The following ZNF516 variants were observed in gnomAD, a reference collection of about 807,000 sequenced individuals.
The protein encoded by ZNF516 is zinc finger protein 516.
In ZNF516, 19 loss-of-function variants were observed where a neutral mutation model predicts 79.7. The ratio of observed to expected loss-of-function variants is 0.24; its 90% confidence interval spans 0.17 to 0.35. ZNF516 has a LOEUF of 0.35. Among genes scored for constraint, ZNF516 ranks in the 10% least tolerant of loss-of-function variants. The pLI is 1.00. For synonymous variants in ZNF516, 877 were observed against 739.5 expected, an observed-to-expected ratio of 1.19 and a Z score of -3.02; for missense variants, 1,678 against 1,679.5, an observed-to-expected ratio of 1.00 and a Z score of 0.02.
At position 76,379,329 on chromosome 18, in the gene ZNF516, C is replaced by A. The variant is rs374017811; in HGVS notation, c.2785G>T (p.Ala929Ser). The A allele has an allele frequency of 6.3e-7, 1 of 1,596,524 alleles. No homozygotes were observed. Among genetic ancestry groups the A allele is most frequent in the Non-Finnish European group, 8.5e-7 (1 of 1,170,944 alleles). Residue 929 changes from alanine to serine, a missense_variant, in exon 4 of 7, where the codon GCC becomes TCC. Ala to Ser is a moderately conservative substitution (Grantham distance 99, BLOSUM62 1). Around this residue, in one of 5 missense-constraint regions of ZNF516, gnomAD observed 1,294 missense variants for 1,248.3 expected, o/e 1.04. Transcript: ENST00000443185. ...GCGATGACGGTGGGCGTAGGGGTGG[C>A]GCTCCTGCTGAAGCCCCCGCCACCC... Reference protein sequence around the residue: ...APGGGGFSRSATPTPTVIARA... With the variant: ...APGGGGFSRSSTPTPTVIARA...
At position 76,465,657 on chromosome 18, in the gene ZNF516, C is replaced by A. The variant is rs770912169; in HGVS notation, c.-271-2516G>T. Among the ~76,000 whole-genome samples the A allele has an allele frequency of 9.6e-4, 146 of 152,194 alleles. 3 individuals are homozygous for A. The highest frequency in any genetic ancestry group is 3.1e-4 in the Non-Finnish European group (21 of 68,036). On this transcript the variant is annotated intron_variant, in intron 1 of 6. Coordinates refer to ENST00000443185, the MANE Select transcript of ZNF516 (RefSeq NM_014643.4). Reference sequence around the variant, plus strand: ...CTGCGATGAGAAGGGCCTCTCCCTGCGGGAGAAGGTTATCTTCCTCCCGGG... The same window carrying A: ...CTGCGATGAGAAGGGCCTCTCCCTGAGGGAGAAGGTTATCTTCCTCCCGGG...
chr18:76,483,817 G>A (rs907765402), intron 1 of ZNF516, among the ~76,000 whole-genome samples: 1 of 152,198 alleles, frequency 6.6e-6, no homozygotes, highest in African/African-American at 2.4e-5. Flanking sequence ...CTGCGGGGCT[G>A]GGAATCTGCG....
intron 6 of ZNF516, among the ~76,000 whole-genome samples, chr18:76,363,658 C>T (rs1255387020): frequency 6.6e-6 from 1 of 152,174 alleles, no homozygotes; most frequent in Non-Finnish European, 1.5e-5. Context: ...GAATTTCCTG[C>T]AGTAAACGGA....
chr18:76,443,106 C>A lies in ZNF516; in HGVS notation c.-52G>T. The stretch of plus-strand genomic sequence containing the variant: ...GCGGCACAGCTTTCTGTCGCGCGGG[C>A]TGCAGGGACCGTCCTATCTCTCCAT... On this transcript the variant is annotated 5_prime_UTR_variant, in exon 3 of 7. Transcript: ENST00000443185. 1 of 1,523,536 alleles carries A rather than the reference C, an allele frequency of 6.6e-7. No individual in the cohort carries two copies. The highest frequency in any genetic ancestry group is 2.2e-5 in the Admixed American group (1 of 46,272). The allele number at this position is 1,523,536 out of a possible 1,614,324, so 94.4% of individuals were successfully genotyped here.
Position 76,443,062 on chromosome 18 carries a change from A to T in ZNF516, c.-8T>A, listed in dbSNP as rs779115185. ...CTCTCTGTTGCGATCCATCCGAAGG[A>T]CGGGCGCGGCCGGTGGTGGCGGCAC... On this transcript the variant is annotated 5_prime_UTR_variant, in exon 3 of 7. Coordinates refer to ENST00000443185, the MANE Select transcript of ZNF516 (RefSeq NM_014643.4). 2.5e-6 allele frequency: 4 copies of T among 1,576,904 alleles called. No individual in the cohort carries two copies. The South Asian group carries it at 3.4e-5, about 13-fold the overall frequency.
At chr18:76,496,289 G>A, upstream of ZNF516, 1 of 1,289,384 alleles carries the variant, frequency 7.8e-7, no homozygotes, top group Non-Finnish European at 1.0e-6. Context: ...GCTCCTGGCC[G>A]TATTGTTCTC....
chr18:76,466,870 G>A (rs1471247397), intron 1 of ZNF516, among the ~76,000 whole-genome samples: 1 of 152,256 alleles, frequency 6.6e-6, no homozygotes, highest in African/African-American at 2.4e-5. Context: ...AGGACCTGGA[G>A]TCTATGGTGG....
chr18:76,493,179 C>A lies in ZNF516; in HGVS notation c.-272+1965G>T. 1 of 985,252 alleles carries A rather than the reference C, an allele frequency of 1.0e-6. No homozygotes were observed. Among genetic ancestry groups the A allele is most frequent in the Non-Finnish European group, 1.2e-6 (1 of 829,838 alleles). The allele number at this position is 985,252 out of a possible 1,614,324, so 61.0% of individuals were successfully genotyped here. On this transcript the variant is annotated intron_variant, in intron 1 of 6. Transcript: ENST00000443185. This position sits in a 1 kb window ranked among gnomAD's most constrained non-coding sequence, Gnocchi z 5.2. ...GAGCTCTGAAAGTTAGCCATCTGCG[C>A]AGAGTTTGCCTTCTTTAAGGAGGGA...
chr18:76,442,987 C>A lies in ZNF516; in HGVS notation c.68G>T (p.Gly23Val), dbSNP rs1286582204. ...AGCCTTGTCCCCATCCACCTCGTGGCCCCGGCCGGCCCTGGTGGGGCTGGG... is the reference window on the plus strand; with the variant it reads ...AGCCTTGTCCCCATCCACCTCGTGGACCCGGCCGGCCCTGGTGGGGCTGGG... ...RGPSPTRAGR[G>V]HEVDGDKATC... is the part of the protein sequence containing the mutation. The change falls in exon 3 of 7, where the codon GGC becomes GTC. Residue 23 changes from glycine to valine, a missense_variant. This residue lies in a region of ZNF516 where 62 missense variants were observed against 58.9 expected (regional missense o/e 1.05). Coordinates refer to ENST00000443185, the MANE Select transcript of ZNF516 (RefSeq NM_014643.4). 1.2e-6 allele frequency: 2 copies of A among 1,603,616 alleles called. No individual in the cohort carries two copies. The highest frequency in any genetic ancestry group is 1.3e-5 in the African/African-American group (1 of 74,874).
chr18:76,463,292 G>A (rs1199916136), intron 1 of ZNF516, among the ~76,000 whole-genome samples, 151 bp from the exon 2 acceptor site: 2 of 152,258 alleles, frequency 1.3e-5, no homozygotes, highest in Admixed American at 1.3e-4. Context: ...CCCAAGTGGG[G>A]CTGCTGGGAA....
Position 76,451,914 on chromosome 18 carries a change from C to G in ZNF516, c.-157-8703G>C, listed in dbSNP as rs1188271022. ...CCAGTAACAATTACAGGCTTATAGT[C>G]CCCAGACTGGGGTCCCGAAGAGCCC... On this transcript the variant is annotated intron_variant, in intron 2 of 6. Coordinates refer to ENST00000443185, the MANE Select transcript of ZNF516 (RefSeq NM_014643.4). This position sits in a 1 kb window ranked among gnomAD's most constrained non-coding sequence, Gnocchi z 6.0. Among the ~76,000 whole-genome samples the G allele has an allele frequency of 2.0e-5, 3 of 152,172 alleles. No individual in the cohort carries two copies. The highest frequency in any genetic ancestry group is 7.2e-5 in the African/African-American group (3 of 41,442).
In ZNF516 at chr18:76,359,867, A is replaced by C. The variant is rs1046886361; in HGVS notation, c.*2631T>G. The C allele has an allele frequency of 2.6e-5, 4 of 152,344 alleles. No individual in the cohort carries two copies. Among genetic ancestry groups the C allele is most frequent in the South Asian group, 2.1e-4 (1 of 4,826 alleles). 9.4% of individuals were successfully genotyped at this position (152,344 alleles called of 1,614,324 possible). On this transcript the variant is annotated 3_prime_UTR_variant, in exon 7 of 7. Transcript: ENST00000443185. ...AATCAAAACGGTGGCTAAATAAATA[A>C]GGAAACACAAATCATATTAAATACT...
intron 1 of ZNF516, among the ~76,000 whole-genome samples, chr18:76,489,061 ATC>A (rs1568333728): frequency 6.6e-6 from 1 of 152,228 alleles, no homozygotes; most frequent in African/African-American, 2.4e-5. Context: ...TTCAGTCTCT[ATC>A]TCTACAGCAT....
chr18:76,378,793 C>G, intron 4 of ZNF516, 62 bp downstream of exon 4: 1 of 1,554,982 alleles, frequency 6.4e-7, no homozygotes, highest in Non-Finnish European at 8.7e-7. Context: ...CAGCCCTGGC[C>G]CTCCGGGGGT....
chr18:76,426,737 T>G (rs2075598043), intron 3 of ZNF516, among the ~76,000 whole-genome samples: 2 of 152,228 alleles, frequency 1.3e-5, no homozygotes, highest in South Asian at 4.1e-4. Flanking sequence ...ATTTCTCATC[T>G]ATGTGCAGCA....
rs950019222 is a variant in ZNF516 at position 76,479,758 on chromosome 18, A to C, written c.-272+15386T>G. Reference sequence around the variant, plus strand: ...TGCAAGAGTGTGCAGAGGGGCAGACATTGGCAGGGTCAGGCCCTTGGCCTC... The same window carrying C: ...TGCAAGAGTGTGCAGAGGGGCAGACCTTGGCAGGGTCAGGCCCTTGGCCTC... On this transcript the variant is annotated intron_variant, in intron 1 of 6. Transcript: ENST00000443185. Among the ~76,000 whole-genome samples, 9 of 152,362 alleles carry C rather than the reference A, an allele frequency of 5.9e-5. No homozygotes were observed. The East Asian group carries it at 1.7e-3, about 29-fold the overall frequency.
At chr18:76,410,744 A>T (rs906269302) in intron 3 of ZNF516, among the ~76,000 whole-genome samples, 59 of 152,326 alleles carry the variant, frequency 3.9e-4, no homozygotes, top group African/African-American at 1.4e-3. Flanking sequence ...AAAAAGAGAA[A>T]TTTTACCACA....
chr18:76,491,428 C>T (rs1379431205), intron 1 of ZNF516, among the ~76,000 whole-genome samples: 4 of 138,264 alleles, frequency 2.9e-5, no homozygotes, highest in Non-Finnish European at 6.4e-5. Flanking sequence ...CCCGCCCCCG[C>T]CCCCCGGCCC....
chr18:76,442,707 G>T lies in ZNF516; in HGVS notation c.348C>A (p.Ser116Arg). 2 of 1,581,186 alleles carry T rather than the reference G, an allele frequency of 1.3e-6. No homozygotes were observed. The highest frequency in any genetic ancestry group is 2.3e-5 in the South Asian group (2 of 88,236). The change falls in exon 3 of 7, where the codon AGC becomes AGA. Residue 116 changes from serine to arginine, a missense_variant. Coordinates refer to ENST00000443185, the MANE Select transcript of ZNF516 (RefSeq NM_014643.4). ...RASEGLDACA[S>R]PTKSASACNR... is the part of the protein sequence containing the mutation. ...TGCAGGCCGAGGCGCTCTTGGTGGG[G>T]CTGGCGCAGGCGTCCAGGCCCTCGG... is the stretch of plus-strand genomic sequence containing the variant.
Sources: allele counts gnomAD v4.1 joint callset (sites outside exome capture counted in the v4.1 genomes callset), GRCh38; gene constraint gnomAD v4.1.1; regional missense constraint gnomAD v4.1.1; non-coding constraint Gnocchi (gnomAD v3.1); transcripts MANE v1.5; gene names NCBI Gene and HGNC (gene_info 2026-07-23, HGNC 2026-07-21).